FGD3: variants seen among roughly 807,000 people sequenced by gnomAD.
FGD3 encodes FYVE, RhoGEF and PH domain containing 3, also known as FYVE, RhoGEF and PH domain-containing protein 3.
FGD3 carries 45 observed loss-of-function variants against 71.8 expected under a neutral mutation model. The observed-to-expected ratio is 0.63, with a 90% CI of 0.49 to 0.80. The LOEUF is 0.80. Ranked by LOEUF, FGD3 falls within the 30% of genes least tolerant of loss-of-function variation. FGD3 has a pLI of 0.00. For synonymous variants in FGD3, 378 were observed against 392.8 expected (o/e 0.96, Z 0.44); for missense variants, 844 against 951.5 (o/e 0.89, Z 1.49).
chr9:93,002,307 G>A (rs1860883967), intron 3 of FGD3, among the ~76,000 whole-genome samples: 1 of 152,174 alleles, frequency 6.6e-6, no homozygotes, highest in South Asian at 2.1e-4. Flanking sequence ...GAGGAGGCCA[G>A]GCACGGTGGC....
In FGD3 at chr9:92,994,184, G is replaced by T. The variant is rs543257335; in HGVS notation, c.454-8741G>T. ...TAACTGGTGTTAGATGGTATCTCACGGTGGTTTTGATTTGCATTTCTCTGA... is the reference window on the plus strand; with the variant it reads ...TAACTGGTGTTAGATGGTATCTCACTGTGGTTTTGATTTGCATTTCTCTGA... On this transcript the variant is annotated intron_variant, in intron 3 of 17. Transcript: ENST00000375482. 1.2e-4 allele frequency among the ~76,000 whole-genome samples: 18 copies of T among 152,122 alleles called. No individual in the cohort carries two copies. In the South Asian group the frequency reaches 2.5e-3, roughly 21 times the overall value.
intron 3 of FGD3, among the ~76,000 whole-genome samples, chr9:92,986,629 TA>T (rs1860196496): frequency 6.6e-6 from 1 of 152,234 alleles, no homozygotes; most frequent in Admixed American, 6.5e-5. Flanking sequence ...AATGTTCCCT[TA>T]TCCCAAAAAG....
At position 93,011,173 on chromosome 9, in the gene FGD3, G is replaced by A. The variant is rs758130852; in HGVS notation, c.977-41G>A. The A allele has an allele frequency of 5.9e-5, 95 of 1,611,606 alleles. No individual in the cohort carries two copies. In the South Asian group the frequency reaches 1.0e-3, roughly 18 times the overall value. Reference sequence around the variant, plus strand: ...AGCCCCTCAGGCAAGCAAAAACGGAGCCACCGTGGCCCCAGGCTGAACACA... The same window carrying A: ...AGCCCCTCAGGCAAGCAAAAACGGAACCACCGTGGCCCCAGGCTGAACACA... On this transcript the variant is annotated intron_variant, in intron 7 of 17. Transcript: ENST00000375482.
chr9:92,996,330 T>C (rs1860641950), intron 3 of FGD3, among the ~76,000 whole-genome samples: 1 of 152,198 alleles, frequency 6.6e-6, no homozygotes, highest in African/African-American at 2.4e-5. Flanking sequence ...TGATATCCTC[T>C]TTATCATTTT....
chr9:92,997,704 A>T (rs1424454688), intron 3 of FGD3, among the ~76,000 whole-genome samples: 2 of 152,124 alleles, frequency 1.3e-5, no homozygotes, highest in Admixed American at 6.6e-5. Flanking sequence ...GTTTGTCTGT[A>T]AAGGATTTTA....
chr9:92,957,448 G>A lies in FGD3; in HGVS notation c.-218+9719G>A, dbSNP rs77959938. 4.6e-5 allele frequency among the ~76,000 whole-genome samples: 7 copies of A among 152,204 alleles called. 1 individual carries two copies. The South Asian group carries it at 1.2e-3, about 27-fold the overall frequency. On this transcript the variant is annotated intron_variant, in intron 1 of 17. Coordinates refer to ENST00000375482, the MANE Select transcript of FGD3 (RefSeq NM_001083536.2). Reference sequence around the variant, plus strand: ...CCTCAGTGTGGTTTTTAGTTTCCCTGATGGCAGGCAGTGTTGCCCACCAGC... The same window carrying A: ...CCTCAGTGTGGTTTTTAGTTTCCCTAATGGCAGGCAGTGTTGCCCACCAGC...
intron 9 of FGD3, among the ~76,000 whole-genome samples, chr9:93,014,210 G>T (rs893166448): frequency 6.6e-6 from 1 of 152,166 alleles, no homozygotes; most frequent in African/African-American, 2.4e-5. Flanking sequence ...ACTTTTGCCA[G>T]TGGCTCTTCC....
Position 93,013,985 on chromosome 9 carries a change from G to GCCA in FGD3, c.1172_1174dup (p.His391dup). On this transcript the variant is annotated inframe_insertion, in exon 9 of 18. Transcript: ENST00000375482. ...GCCAAGAACGGCACCCCCCAGGACC[G>GCCA]CCACCTCTTCCTGGTGAGCCTGGCC... The GCCA allele has an allele frequency of 6.2e-7, 1 of 1,606,128 alleles. No homozygotes were observed. Among genetic ancestry groups the GCCA allele is most frequent in the Non-Finnish European group, 8.5e-7 (1 of 1,176,574 alleles).
At position 93,006,733 on chromosome 9, in the gene FGD3, A is replaced by AT. The variant is rs1248056423; in HGVS notation, c.837+564dup. 2.9e-3 allele frequency among the ~76,000 whole-genome samples: 413 copies of AT among 144,898 alleles called. 2 individuals carry two copies. Among genetic ancestry groups the AT allele is most frequent in the African/African-American group, 8.1e-3 (322 of 39,580 alleles). On this transcript the variant is annotated intron_variant, in intron 6 of 17. Transcript: ENST00000375482. Reference sequence around the variant, plus strand: ...CATTGATCTTTTATTTTTTTATTTTATTTTTTTTTTTGAGACAGAGTCTCA... The same window carrying AT: ...CATTGATCTTTTATTTTTTTATTTTATTTTTTTTTTTTGAGACAGAGTCTCA...
intron 11 of FGD3, among the ~76,000 whole-genome samples, chr9:93,019,140 G>A (rs569859450): frequency 8.7e-4 from 132 of 152,108 alleles, no homozygotes; most frequent in Non-Finnish European, 1.6e-3. Context: ...GTGAGCCACC[G>A]TGCCCAGCCC....
At chr9:93,018,314 A>C in intron 11 of FGD3, 99 bp downstream of exon 11, 1 of 1,170,410 alleles carries the variant, frequency 8.5e-7, no homozygotes, top group Non-Finnish European at 1.2e-6. Context: ...GCATGGCTTA[A>C]AATTTAAAAG....
intron 1 of FGD3, among the ~76,000 whole-genome samples, chr9:92,974,054 C>T (rs1476820080): frequency 2.6e-5 from 4 of 152,204 alleles, no homozygotes; most frequent in South Asian, 4.1e-4. Flanking sequence ...AGTGTTTTAC[C>T]GCTTGGTGTA....
intron 3 of FGD3, among the ~76,000 whole-genome samples, chr9:92,988,781 A>G (rs1860287563): frequency 6.6e-6 from 1 of 151,854 alleles, no homozygotes; most frequent in Non-Finnish European, 1.5e-5. Flanking sequence ...TGTCCTACAC[A>G]CTCCTTCTGA....
At chr9:92,971,655 A>C (rs1859538978) in intron 1 of FGD3, among the ~76,000 whole-genome samples, 1 of 132,620 alleles carries the variant, frequency 7.5e-6, no homozygotes, top group African/African-American at 2.9e-5. Flanking sequence ...TGCTCACTGC[A>C]ACCTCCGCCT....
chr9:93,002,196 AC>A (rs1280172893), intron 3 of FGD3, among the ~76,000 whole-genome samples: 1 of 152,130 alleles, frequency 6.6e-6, no homozygotes, highest in Non-Finnish European at 1.5e-5. Context: ...CATCCTCATA[AC>A]ATCCCTGTGA....
At chr9:92,984,394 A>G (rs994261534) in intron 3 of FGD3, among the ~76,000 whole-genome samples, 3 of 152,304 alleles carry the variant, frequency 2.0e-5, no homozygotes, top group Non-Finnish European at 4.4e-5. Context: ...AGACAAATTA[A>G]TTTTCCTTCT....
rs536260004 is a variant in FGD3 at position 92,996,540 on chromosome 9, G to T, written c.454-6385G>T. Among the ~76,000 whole-genome samples the T allele has an allele frequency of 2.6e-5, 4 of 152,114 alleles. No individual in the cohort carries two copies. The East Asian group carries it at 7.7e-4, about 29-fold the overall frequency. ...CTAGCTTTTGAATGTGTTTGCTCTT[G>T]CTTCTCTAGTTCTTTTAATTGTGAT... On this transcript the variant is annotated intron_variant, in intron 3 of 17. Coordinates refer to ENST00000375482, the MANE Select transcript of FGD3 (RefSeq NM_001083536.2).
intron 11 of FGD3, among the ~76,000 whole-genome samples, chr9:93,018,780 A>G (rs1004315402): frequency 3.0e-4 from 45 of 152,214 alleles, no homozygotes; most frequent in African/African-American, 1.1e-3. Flanking sequence ...AAGTTGATGA[A>G]AATTAAGCCT....
chr9:92,993,734 C>G (rs1001807569), intron 3 of FGD3, among the ~76,000 whole-genome samples: 1 of 152,116 alleles, frequency 6.6e-6, no homozygotes, highest in Non-Finnish European at 1.5e-5. Flanking sequence ...TCCGTCCTTG[C>G]GATAGTTTGC....
Sources: gnomAD v4.1 joint callset for allele counts (sites outside exome capture counted in the v4.1 genomes callset) on GRCh38, gnomAD v4.1.1 for gene constraint, MANE v1.5 for transcripts, NCBI Gene and HGNC (gene_info 2026-07-23, HGNC 2026-07-21) for gene names.